The following COL26A1 variants were observed in gnomAD, a reference collection of about 807,000 sequenced individuals.
The protein encoded by COL26A1 is collagen alpha-1(XXVI) chain.
In COL26A1, 41 loss-of-function variants were observed where a neutral mutation model predicts 59.3. The ratio of observed to expected loss-of-function variants is 0.69; its 90% CI spans 0.54 to 0.90. The LOEUF (loss-of-function observed/expected upper bound fraction) is 0.90, where lower values mean the gene tolerates loss of function less well. COL26A1 is among the 40% of genes least tolerant of loss of function. The probability of loss-of-function intolerance (pLI) is 0.00; values close to 1 mark genes in which losing one functional copy is unlikely to be tolerated. For synonymous variants in COL26A1, 266 were observed against 256.0 expected (o/e 1.04, Z -0.37); for missense variants, 612 against 602.3 (o/e 1.02, Z -0.17).
intron 1 of COL26A1, among the ~76,000 whole-genome samples, chr7:101,384,417 G>A (rs6976566): frequency 0.11 from 17,384 of 151,566 alleles, 1,093 homozygotes; most frequent in Non-Finnish European, 0.15. Context: ...TAGTAGAGAT[G>A]GGGTTTCACC....
intron 1 of COL26A1, among the ~76,000 whole-genome samples, chr7:101,398,442 C>G (rs1275245898): frequency 1.3e-5 from 2 of 152,172 alleles, no homozygotes; most frequent in African/African-American, 4.8e-5. Context: ...GCTTTCTCGG[C>G]AACCAAGTCC....
intron 1 of COL26A1, among the ~76,000 whole-genome samples, chr7:101,392,998 G>GT (rs960678658): frequency 4.7e-5 from 5 of 106,412 alleles, no homozygotes; most frequent in Non-Finnish European, 7.7e-5. Flanking sequence ...ATAAAAAAAT[G>GT]TTTTTTTGTT....
At chr7:101,372,779 T>C (rs944591370) in intron 1 of COL26A1, among the ~76,000 whole-genome samples, 10 of 152,086 alleles carry the variant, frequency 6.6e-5, no homozygotes, top group Non-Finnish European at 1.5e-4. Flanking sequence ...GAGGATTGCT[T>C]GAGCTCAGGA....
chr7:101,374,114 G>A (rs764486184), intron 1 of COL26A1, among the ~76,000 whole-genome samples: 2 of 152,196 alleles, frequency 1.3e-5, no homozygotes, highest in Non-Finnish European at 2.9e-5. Flanking sequence ...TACACATGCC[G>A]TGCTGTTCTG....
chr7:101,443,113 G>A (rs935207838), intron 2 of COL26A1, among the ~76,000 whole-genome samples: 2 of 26,668 alleles, frequency 7.5e-5, no homozygotes, highest in African/African-American at 1.1e-3. Flanking sequence ...ACTCATCATC[G>A]CATACCAGAG....
At chr7:101,426,530 G>A (rs905279692) in intron 2 of COL26A1, among the ~76,000 whole-genome samples, 1 of 152,180 alleles carries the variant, frequency 6.6e-6, no homozygotes, top group African/African-American at 2.4e-5. Flanking sequence ...TCCCAAAAAA[G>A]AGAGGAAGGG....
chr7:101,470,067 G>A (rs59988833), intron 3 of COL26A1, among the ~76,000 whole-genome samples: 11,639 of 151,778 alleles, frequency 0.077, 802 homozygotes, highest in African/African-American at 0.19. Context: ...CTCTGCTGCA[G>A]AGAGAGGGGT....
At chr7:101,499,473 C>T (rs531341131) in intron 3 of COL26A1, among the ~76,000 whole-genome samples, 1 of 152,210 alleles carries the variant, frequency 6.6e-6, no homozygotes, top group East Asian at 1.9e-4. Context: ...ACCTGAAGGT[C>T]AGGAGTTCGA....
intron 2 of COL26A1, among the ~76,000 whole-genome samples, chr7:101,442,051 G>A (rs1329497876): frequency 6.6e-6 from 1 of 152,172 alleles, no homozygotes; most frequent in East Asian, 1.9e-4. Flanking sequence ...TGATCCCATC[G>A]TGCAGAGGTT....
At chr7:101,471,614 C>G (rs1793907991) in intron 3 of COL26A1, among the ~76,000 whole-genome samples, 1 of 115,516 alleles carries the variant, frequency 8.7e-6, no homozygotes, top group Non-Finnish European at 1.7e-5. Flanking sequence ...GAGTCTCACT[C>G]TGTTGCCCAG....
intron 1 of COL26A1, among the ~76,000 whole-genome samples, chr7:101,411,271 T>C (rs2130241239): frequency 6.6e-6 from 1 of 152,152 alleles, no homozygotes; most frequent in African/African-American, 2.4e-5. Context: ...AGTCTTCCCA[T>C]AGGACGAAGG....
At chr7:101,373,702 C>T (rs768100006) in intron 1 of COL26A1, among the ~76,000 whole-genome samples, 8 of 152,122 alleles carry the variant, frequency 5.3e-5, no homozygotes, top group Admixed American at 1.3e-4. Context: ...TTAGAGGTCC[C>T]GCTTCTCCCT....
intron 1 of COL26A1, among the ~76,000 whole-genome samples, chr7:101,377,567 T>G (rs975165415): frequency 1.3e-5 from 2 of 152,112 alleles, no homozygotes; most frequent in Non-Finnish European, 2.9e-5. Context: ...GGTGGAACTA[T>G]AGGCATGCAC....
chr7:101,498,376 C>T (rs1314950939), intron 3 of COL26A1, among the ~76,000 whole-genome samples: 1 of 152,116 alleles, frequency 6.6e-6, no homozygotes, highest in East Asian at 1.9e-4. Flanking sequence ...CCTCGGGGCT[C>T]CCCCTGGACA....
At chr7:101,426,987 A>G (rs1273797337) in intron 2 of COL26A1, among the ~76,000 whole-genome samples, 1 of 152,046 alleles carries the variant, frequency 6.6e-6, no homozygotes, top group Non-Finnish European at 1.5e-5. Context: ...GTCTTGCTAC[A>G]TTTCACCCCC....
chr7:101,371,541 T>A (rs74722440), intron 1 of COL26A1, among the ~76,000 whole-genome samples: 3,701 of 151,122 alleles, frequency 0.024, 147 homozygotes, highest in African/African-American at 0.078. Flanking sequence ...CTTGTAGTCC[T>A]GGTGGAAGCT....
intron 3 of COL26A1, among the ~76,000 whole-genome samples, chr7:101,529,744 A>G (rs558547161): frequency 3.3e-5 from 5 of 152,302 alleles, no homozygotes; most frequent in South Asian, 2.1e-4. Context: ...TGTTGCTGCA[A>G]AGGACATGAT....
intron 3 of COL26A1, among the ~76,000 whole-genome samples, chr7:101,477,194 C>T (rs1480668694): frequency 6.6e-6 from 1 of 152,098 alleles, no homozygotes; most frequent in Non-Finnish European, 1.5e-5. Flanking sequence ...CTGTATTATA[C>T]TGACTCAGGT....
intron 3 of COL26A1, among the ~76,000 whole-genome samples, chr7:101,519,756 C>T (rs1434639173): frequency 6.6e-6 from 1 of 152,210 alleles, no homozygotes; most frequent in African/African-American, 2.4e-5. Flanking sequence ...CATTCTGAGT[C>T]AGTAACTAAC....
Sources: gnomAD v4.1 joint callset for allele counts (sites outside exome capture counted in the v4.1 genomes callset) on GRCh38, gnomAD v4.1.1 for gene constraint, MANE v1.5 for transcripts, NCBI Gene and HGNC (gene_info 2026-07-23, HGNC 2026-07-21) for gene names.